The following UHMK1 variants were observed in gnomAD, a reference collection of about 807,000 sequenced individuals.
The protein encoded by UHMK1 is serine/threonine-protein kinase Kist.
Under a neutral mutation model 44.0 loss-of-function variants are expected in UHMK1, and 18 were observed. That is an observed-to-expected ratio of 0.41 (90% CI 0.28 to 0.61). The LOEUF (loss-of-function observed/expected upper bound fraction) is 0.61. UHMK1 is among the 20% of genes least tolerant of loss of function. The probability of loss-of-function intolerance (pLI) is 0.31; values close to 1 mark genes in which losing one functional copy is unlikely to be tolerated. For synonymous variants in UHMK1, 231 were observed against 198.5 expected, an observed-to-expected ratio of 1.16 and a Z score of -1.38; for missense variants, 463 against 522.5, an observed-to-expected ratio of 0.89 and a Z score of 1.11.
intron 4 of UHMK1, among the ~76,000 whole-genome samples, chr1:162,511,759 T>C (rs568351220): frequency 6.6e-6 from 1 of 152,184 alleles, no homozygotes; most frequent in Admixed American, 6.5e-5. Flanking sequence ...TTGAGTTGAT[T>C]TTTGTGTAGG....
intron 4 of UHMK1, among the ~76,000 whole-genome samples, chr1:162,510,479 TTG>T (rs1381776529): frequency 1.3e-5 from 2 of 152,212 alleles, no homozygotes; most frequent in African/African-American, 2.4e-5. Context: ...CATGCTGTAT[TTG>T]TCTTTCTGGA....
intron 6 of UHMK1, among the ~76,000 whole-genome samples, chr1:162,515,982 C>G (rs948189527): frequency 6.6e-6 from 1 of 151,290 alleles, no homozygotes; most frequent in Non-Finnish European, 1.5e-5. Flanking sequence ...TGCAGTGAGC[C>G]GAGGTGGCAC....
At chr1:162,497,350 G>A, upstream of UHMK1, 3 of 697,490 alleles carry the variant, frequency 4.3e-6, no homozygotes, top group Admixed American at 6.1e-5. Flanking sequence ...CAGAATTTTA[G>A]AGTGCCCTGG....
At chr1:162,512,444 G>A (rs1651698231) in intron 4 of UHMK1, 56 bp from the exon 5 acceptor site, 1 of 1,405,794 alleles carries the variant, frequency 7.1e-7, no homozygotes, top group Non-Finnish European at 9.8e-7. Flanking sequence ...TTCTTTAATG[G>A]TTGCATTTTC....
chr1:162,515,844 T>C (rs1398272436), intron 6 of UHMK1, among the ~76,000 whole-genome samples: 2 of 151,678 alleles, frequency 1.3e-5, no homozygotes, highest in African/African-American at 4.8e-5. Flanking sequence ...ACCATCCTGG[T>C]TAACATGGTG....
chr1:162,514,546 T>A (rs1296949160), intron 6 of UHMK1, among the ~76,000 whole-genome samples: 1 of 152,180 alleles, frequency 6.6e-6, no homozygotes, highest in Non-Finnish European at 1.5e-5. Context: ...GTTTGTTTTG[T>A]TTATTGCTAT....
Position 162,499,956 on chromosome 1 carries a change from GACTTTGT to G in UHMK1, c.272_278del (p.Thr91MetfsTer42). 6.2e-7 allele frequency: 1 copy of G among 1,613,020 alleles called. No homozygotes were observed. Among genetic ancestry groups the G allele is most frequent in the Non-Finnish European group, 8.5e-7 (1 of 1,179,600 alleles). On this transcript the variant is annotated frameshift_variant and splice_region_variant, in exon 2 of 8. Coordinates refer to ENST00000489294, the MANE Select transcript of UHMK1 (RefSeq NM_175866.5). LOFTEE classifies it high-confidence loss of function. ...AAGTATTATAATTTCTTTTTCTAGT[GACTTTGT>G]ATGGAGTGTTTACAATCCACTTTTC...
At chr1:162,505,137 A>G (rs80316956) in intron 4 of UHMK1, among the ~76,000 whole-genome samples, 2,462 of 152,044 alleles carry the variant, frequency 0.016, 58 homozygotes, top group African/African-American at 0.056. Context: ...ATAAACTTTA[A>G]TTTTTCTTTA....
chr1:162,507,039 CT>C (rs1472917840), intron 4 of UHMK1, among the ~76,000 whole-genome samples: 1 of 151,608 alleles, frequency 6.6e-6, no homozygotes, highest in Non-Finnish European at 1.5e-5. Flanking sequence ...TTTTTCTGTT[CT>C]TTTTGGTTTT....
At position 162,525,144 on chromosome 1, in the gene UHMK1, C is replaced by T. The variant is rs1055982105; in HGVS notation, c.*2594C>T. On this transcript the variant is annotated 3_prime_UTR_variant, in exon 8 of 8. Coordinates refer to ENST00000489294, the MANE Select transcript of UHMK1 (RefSeq NM_175866.5). ...TTTTATAGCTCTTAGCCCGTTCTACCAAAGATCACATTAGCAGATTACCCC... is the reference window on the plus strand; with the variant it reads ...TTTTATAGCTCTTAGCCCGTTCTACTAAAGATCACATTAGCAGATTACCCC... 1 of 152,118 alleles carries T rather than the reference C, an allele frequency of 6.6e-6. No individual in the cohort carries two copies. The highest frequency in any genetic ancestry group is 6.5e-5 in the Admixed American group (1 of 15,268). The allele number at this position is 152,118 out of a possible 1,614,324, so 9.4% of individuals were successfully genotyped here.
Position 162,525,727 on chromosome 1 carries a change from A to G in UHMK1, c.*3177A>G, listed in dbSNP as rs909394980. 3.9e-5 allele frequency: 6 copies of G among 152,140 alleles called. No homozygotes were observed. The highest frequency in any genetic ancestry group is 1.2e-4 in the African/African-American group (5 of 41,442). The allele number at this position is 152,140 out of a possible 1,614,324, so 9.4% of individuals were successfully genotyped here. A position where few individuals can be genotyped will look rare whatever the true frequency, so the allele number is the denominator to read the frequency against. ...ATGTCTTCCTTTTTTGTGGCCACCAATATAGCAGCTCTCTTTAGAGGGATT... is the reference window on the plus strand; with the variant it reads ...ATGTCTTCCTTTTTTGTGGCCACCAGTATAGCAGCTCTCTTTAGAGGGATT... On this transcript the variant is annotated 3_prime_UTR_variant, in exon 8 of 8. Transcript: ENST00000489294.
chr1:162,508,710 A>T (rs1651563975), intron 4 of UHMK1, among the ~76,000 whole-genome samples: 1 of 152,060 alleles, frequency 6.6e-6, no homozygotes, highest in Non-Finnish European at 1.5e-5. Context: ...TTCAAAAAAA[A>T]AAAAGTAGAT....
At chr1:162,508,030 T>G (rs1020310355) in intron 4 of UHMK1, among the ~76,000 whole-genome samples, 25 of 152,172 alleles carry the variant, frequency 1.6e-4, no homozygotes, top group Non-Finnish European at 7.4e-5. Context: ...TGAGTTCTAT[T>G]ACCTTATTTT....
chr1:162,498,412 C>T (rs746403506), intron 1 of UHMK1, 144 bp downstream of exon 1: 12 of 1,039,066 alleles, frequency 1.2e-5, no homozygotes, highest in Non-Finnish European at 1.6e-5. Context: ...AGGCCCCTTT[C>T]CCCTTTCACT....
chr1:162,516,436 G>A (rs1425566688), intron 6 of UHMK1, among the ~76,000 whole-genome samples: 3 of 152,108 alleles, frequency 2.0e-5, no homozygotes, highest in Non-Finnish European at 4.4e-5. Context: ...GAATGAAGTA[G>A]GGAGGAAGGG....
Position 162,529,551 on chromosome 1 carries a change from T to C in UHMK1, c.*7001T>C, listed in dbSNP as rs1374902462. ...AACTGACTTACCATAAGATGCACTG[T>C]TGATAATGCTTTCTGATGTGTGTTT... On this transcript the variant is annotated 3_prime_UTR_variant, in exon 8 of 8. Coordinates refer to ENST00000489294, the MANE Select transcript of UHMK1 (RefSeq NM_175866.5). The C allele has an allele frequency of 6.6e-6, 1 of 152,206 alleles. No individual in the cohort carries two copies. The highest frequency in any genetic ancestry group is 1.5e-5 in the Non-Finnish European group (1 of 68,020). The allele number at this position is 152,206 out of a possible 1,614,324, so 9.4% of individuals were successfully genotyped here.
At chr1:162,508,061 C>T (rs1280585454) in intron 4 of UHMK1, among the ~76,000 whole-genome samples, 2 of 151,492 alleles carry the variant, frequency 1.3e-5, no homozygotes, top group Non-Finnish European at 2.9e-5. Flanking sequence ...AATTTTTTTT[C>T]TGTTGCTCTT....
chr1:162,520,130 A>G lies in UHMK1; in HGVS notation c.1113+1940A>G, dbSNP rs1345366785. Reference sequence around the variant, plus strand: ...GCGGTCTTGAACACCTGAATTCAAGAGATCCAACCCGATTCAGTCTCCCTA... The same window carrying G: ...GCGGTCTTGAACACCTGAATTCAAGGGATCCAACCCGATTCAGTCTCCCTA... On this transcript the variant is annotated intron_variant, in intron 7 of 7. Coordinates refer to ENST00000489294, the MANE Select transcript of UHMK1 (RefSeq NM_175866.5). 6.6e-5 allele frequency among the ~76,000 whole-genome samples: 10 copies of G among 152,334 alleles called. No homozygotes were observed. In the East Asian group the frequency reaches 1.9e-3, roughly 29 times the overall value.
At chr1:162,514,616 A>T (rs1203461647) in intron 6 of UHMK1, among the ~76,000 whole-genome samples, 2 of 152,212 alleles carry the variant, frequency 1.3e-5, no homozygotes, top group Non-Finnish European at 2.9e-5. Flanking sequence ...GAAGGAAAGA[A>T]GGAAGGAGAA....
Sources: allele counts gnomAD v4.1 joint callset (sites outside exome capture counted in the v4.1 genomes callset), GRCh38; gene constraint gnomAD v4.1.1; transcripts MANE v1.5; gene names NCBI Gene and HGNC (gene_info 2026-07-23, HGNC 2026-07-21).